Variants in MCPH1 observed in about 807,000 individuals in gnomAD.
The protein encoded by MCPH1 is microcephalin.
Under a neutral mutation model 84.5 loss-of-function variants are expected in MCPH1, and 104 were observed. The ratio of observed to expected loss-of-function variants is 1.23; its 90% CI spans 1.05 to 1.45. The LOEUF is 1.45. MCPH1 is among the 40% of genes most tolerant of loss of function. MCPH1 has a pLI of 0.00. For synonymous variants in MCPH1, 514 were observed against 366.8 expected, an observed-to-expected ratio of 1.40 and a Z score of -4.58; for missense variants, 1,498 against 1,005.7, an observed-to-expected ratio of 1.49 and a Z score of -6.62.
intron 9 of MCPH1, among the ~76,000 whole-genome samples, chr8:6,476,772 T>C (rs553321263): frequency 6.6e-6 from 1 of 152,350 alleles, no homozygotes; most frequent in African/African-American, 2.4e-5. Flanking sequence ...TTGGTTATAC[T>C]ACACAGTTGG....
At chr8:6,631,355 G>A (rs889889190) in intron 13 of MCPH1, among the ~76,000 whole-genome samples, 6 of 152,136 alleles carry the variant, frequency 3.9e-5, no homozygotes, top group Admixed American at 3.9e-4. Context: ...AAAGACTTCA[G>A]TGCATCAAAG....
intron 12 of MCPH1, among the ~76,000 whole-genome samples, chr8:6,600,499 G>A (rs926560068): frequency 1.9e-4 from 29 of 152,340 alleles, no homozygotes; most frequent in Admixed American, 5.9e-4. Flanking sequence ...GCCACCCTTG[G>A]CGGCACATCT....
At chr8:6,497,306 C>T (rs537843583) in intron 11 of MCPH1, among the ~76,000 whole-genome samples, 200 of 149,900 alleles carry the variant, frequency 1.3e-3, no homozygotes, top group Non-Finnish European at 2.6e-3. Flanking sequence ...CACTGTGAAA[C>T]CCCATTCTCT....
intron 12 of MCPH1, among the ~76,000 whole-genome samples, chr8:6,585,326 T>C (rs1827883803): frequency 2.0e-5 from 3 of 152,198 alleles, no homozygotes; most frequent in African/African-American, 7.2e-5. Context: ...AGGAGTTTCC[T>C]GTTTGAATGA....
intron 9 of MCPH1, among the ~76,000 whole-genome samples, chr8:6,460,992 T>G (rs1806216200): frequency 6.6e-6 from 1 of 152,198 alleles, no homozygotes; most frequent in Admixed American, 6.5e-5. Flanking sequence ...GCCACTTAAC[T>G]TTTCTAAATA....
chr8:6,414,748 C>A lies in MCPH1; in HGVS notation c.115-17C>A. The A allele has an allele frequency of 6.2e-7, 1 of 1,612,488 alleles. No individual in the cohort carries two copies. Among genetic ancestry groups the A allele is most frequent in the Non-Finnish European group, 8.5e-7 (1 of 1,179,284 alleles). ...TGAACAGTAATGTACATTTTGTTTTCTGCATTTTGTCTACAGGTTTCAAAA... is the reference window on the plus strand; with the variant it reads ...TGAACAGTAATGTACATTTTGTTTTATGCATTTTGTCTACAGGTTTCAAAA... On this transcript the variant is annotated splice_polypyrimidine_tract_variant and intron_variant, in intron 2 of 13. Coordinates refer to ENST00000344683, the MANE Select transcript of MCPH1 (RefSeq NM_024596.5).
At chr8:6,604,077 G>A (rs1489553701) in intron 12 of MCPH1, among the ~76,000 whole-genome samples, 2 of 151,792 alleles carry the variant, frequency 1.3e-5, no homozygotes, top group South Asian at 2.1e-4. Flanking sequence ...TAGGAAACAG[G>A]CACACTCTGC....
intron 12 of MCPH1, among the ~76,000 whole-genome samples, chr8:6,606,835 G>T (rs1210633398): frequency 6.6e-6 from 1 of 152,182 alleles, no homozygotes. Context: ...CATAAGAGCT[G>T]ATGGTTTCAT....
At chr8:6,498,347 A>G (rs1811522147) in intron 11 of MCPH1, among the ~76,000 whole-genome samples, 1 of 152,220 alleles carries the variant, frequency 6.6e-6, no homozygotes, top group African/African-American at 2.4e-5. Context: ...TGTTCGGCCA[A>G]TGAAACTACT....
At chr8:6,550,003 G>A (rs1005362661) in intron 12 of MCPH1, among the ~76,000 whole-genome samples, 2 of 152,234 alleles carry the variant, frequency 1.3e-5, no homozygotes, top group African/African-American at 4.8e-5. Context: ...TTGCCCAGGT[G>A]ATCATTCGGG....
At chr8:6,628,676 G>C (rs1586869099) in intron 13 of MCPH1, among the ~76,000 whole-genome samples, 1 of 152,124 alleles carries the variant, frequency 6.6e-6, no homozygotes, top group African/African-American at 2.4e-5. Flanking sequence ...AGGAAACTTT[G>C]AAGACTATTT....
Position 6,499,844 on chromosome 8 carries a change from A to G in MCPH1, c.2137-8A>G. 1 of 1,612,424 alleles carries G rather than the reference A, an allele frequency of 6.2e-7. No individual in the cohort carries two copies. Among genetic ancestry groups the G allele is most frequent in the Non-Finnish European group, 8.5e-7 (1 of 1,179,544 alleles). On this transcript the variant is annotated splice_polypyrimidine_tract_variant and splice_region_variant and intron_variant, in intron 11 of 13. Transcript: ENST00000344683. The stretch of plus-strand genomic sequence containing the variant: ...GTATAATAAATCTGCTTGTTGTGTC[A>G]CTTGCAGGTGCTATGGTCTTTAGAA...
At chr8:6,550,450 C>T (rs573492203) in intron 12 of MCPH1, among the ~76,000 whole-genome samples, 1 of 152,350 alleles carries the variant, frequency 6.6e-6, no homozygotes, top group South Asian at 2.1e-4. Flanking sequence ...AACCACTCAG[C>T]ATCCAGCGCG....
At chr8:6,409,615 C>G (rs1274440414) in intron 2 of MCPH1, among the ~76,000 whole-genome samples, 1 of 151,970 alleles carries the variant, frequency 6.6e-6, no homozygotes, top group African/African-American at 2.4e-5. Context: ...ACACTGGTTA[C>G]TTGAATGCAT....
chr8:6,499,147 A>C (rs1350330263), intron 11 of MCPH1, among the ~76,000 whole-genome samples: 2 of 152,098 alleles, frequency 1.3e-5, no homozygotes, highest in African/African-American at 4.8e-5. Context: ...TTAGCTCTAA[A>C]CTTCTGGTGT....
chr8:6,536,192 T>C (rs894207875), intron 12 of MCPH1, among the ~76,000 whole-genome samples: 1 of 152,168 alleles, frequency 6.6e-6, no homozygotes, highest in African/African-American at 2.4e-5. Context: ...ATACTGTATA[T>C]TTAGCCCCAG....
intron 12 of MCPH1, among the ~76,000 whole-genome samples, chr8:6,557,336 T>G (rs897448039): frequency 1.3e-5 from 2 of 152,152 alleles, no homozygotes; most frequent in African/African-American, 4.8e-5. Context: ...ACCATACTTG[T>G]GTACTAGAGA....
At chr8:6,640,200 G>A (rs191132308) in intron 13 of MCPH1, among the ~76,000 whole-genome samples, 220 of 151,974 alleles carry the variant, frequency 1.4e-3, no homozygotes, top group African/African-American at 4.9e-3. Flanking sequence ...ATTCTAGTCC[G>A]AGCCCAGGCT....
intron 12 of MCPH1, among the ~76,000 whole-genome samples, chr8:6,584,198 C>G (rs932138145): frequency 6.6e-6 from 1 of 152,108 alleles, no homozygotes; most frequent in African/African-American, 2.4e-5. Flanking sequence ...TCAATACACA[C>G]TTTAAAAATA....
Sources: gnomAD v4.1 joint callset for allele counts (sites outside exome capture counted in the v4.1 genomes callset) on GRCh38, gnomAD v4.1.1 for gene constraint, MANE v1.5 for transcripts, NCBI Gene and HGNC (gene_info 2026-07-23, HGNC 2026-07-21) for gene names.